Variants in CADM1 observed in about 807,000 individuals in gnomAD.
The protein encoded by CADM1 is cell adhesion molecule 1.
In CADM1, 15 loss-of-function variants were observed where a neutral mutation model predicts 53.1. The observed-to-expected ratio is 0.28, with a 90% CI of 0.19 to 0.44. The LOEUF (loss-of-function observed/expected upper bound fraction) is 0.44. CADM1 is among the 20% of genes least tolerant of loss of function. The pLI is 1.00. For missense variants in CADM1, 434 were observed against 611.3 expected (o/e 0.71, Z 3.06); for synonymous variants, 281 against 243.0 (o/e 1.16, Z -1.45).
chr11:115,189,668 GCTGT>G (rs901457188), intron 10 of CADM1, among the ~76,000 whole-genome samples: 35 of 152,168 alleles, frequency 2.3e-4, no homozygotes, highest in African/African-American at 4.1e-4. Context: ...CTCTTGATTG[GCTGT>G]CTATCTTTCT....
intron 1 of CADM1, among the ~76,000 whole-genome samples, chr11:115,392,507 T>C (rs1166193302): frequency 6.6e-6 from 1 of 152,164 alleles, no homozygotes; most frequent in South Asian, 2.1e-4. Context: ...ACATTAAACA[T>C]TGATTCAGAA....
At chr11:115,420,243 A>C (rs1356783945) in intron 1 of CADM1, among the ~76,000 whole-genome samples, 1 of 152,194 alleles carries the variant, frequency 6.6e-6, no homozygotes, top group Non-Finnish European at 1.5e-5. Flanking sequence ...ACGTGTCCAC[A>C]CAGGAGATCA....
chr11:115,487,419 T>A (rs1460086203), intron 1 of CADM1, among the ~76,000 whole-genome samples: 1 of 152,132 alleles, frequency 6.6e-6, no homozygotes, highest in Non-Finnish European at 1.5e-5. Flanking sequence ...TGACCTCATT[T>A]AAAAAAATCC....
At chr11:115,299,173 T>C (rs1485240163) in intron 1 of CADM1, among the ~76,000 whole-genome samples, 1 of 152,202 alleles carries the variant, frequency 6.6e-6, no homozygotes, top group African/African-American at 2.4e-5. Flanking sequence ...TTCACTGCTA[T>C]TGCAGTGCTA....
intron 1 of CADM1, among the ~76,000 whole-genome samples, chr11:115,308,141 CTG>C (rs199736406): frequency 0.11 from 14,957 of 133,038 alleles, 861 homozygotes; most frequent in Middle Eastern, 0.15. Flanking sequence ...AACTCTCTCT[CTG>C]TGTGTGTGTG....
intron 1 of CADM1, among the ~76,000 whole-genome samples, chr11:115,414,388 A>G (rs1947538173): frequency 1.3e-5 from 2 of 152,058 alleles, no homozygotes; most frequent in Admixed American, 1.3e-4. Context: ...ATTAATCCCC[A>G]CCCAAATTAA....
intron 1 of CADM1, among the ~76,000 whole-genome samples, chr11:115,475,229 A>T (rs1949104951): frequency 6.6e-6 from 1 of 152,040 alleles, no homozygotes; most frequent in African/African-American, 2.4e-5. Context: ...TTGTTATACT[A>T]TATTTTTTAT....
In CADM1 at chr11:115,174,173, T is replaced by C. The variant is rs915776803; in HGVS notation, c.*2301A>G. 1.0e-6 allele frequency: 1 copy of C among 985,266 alleles called. No individual in the cohort carries two copies. Among genetic ancestry groups the C allele is most frequent in the Admixed American group, 6.2e-5 (1 of 16,260 alleles). The allele number at this position is 985,266 out of a possible 1,614,324, so 61.0% of individuals were successfully genotyped here. ...CATGTCAACATTGTAAGCCATAAAG[T>C]TACATCAGGAACACTGCACTACTGT... is the stretch of plus-strand genomic sequence containing the variant. On this transcript the variant is annotated 3_prime_UTR_variant, in exon 12 of 12. Transcript: ENST00000331581.
intron 1 of CADM1, among the ~76,000 whole-genome samples, chr11:115,498,930 G>A (rs145637514): frequency 2.6e-5 from 4 of 152,250 alleles, no homozygotes; most frequent in East Asian, 1.9e-4. Context: ...GGGATAGAGC[G>A]ACCAGGGGTG....
intron 1 of CADM1, chr11:115,339,972 A>G (rs903457055): frequency 6.6e-6 from 1 of 152,134 alleles, no homozygotes; most frequent in African/African-American, 2.4e-5. Context: ...TGTTTCCAAT[A>G]AGATCACTAA....
chr11:115,198,151 C>T (rs979462346), intron 9 of CADM1, among the ~76,000 whole-genome samples: 5 of 152,172 alleles, frequency 3.3e-5, no homozygotes, highest in Non-Finnish European at 5.9e-5. Flanking sequence ...GGACTCTGTG[C>T]CACTGAAACT....
At chr11:115,350,923 G>GTT in intron 1 of CADM1, among the ~76,000 whole-genome samples, 2 of 113,428 alleles carry the variant, frequency 1.8e-5, no homozygotes, top group South Asian at 5.6e-4. Flanking sequence ...TTTACGAGAA[G>GTT]TTAAAAAAAA....
At chr11:115,395,725 T>G (rs1946978372) in intron 1 of CADM1, among the ~76,000 whole-genome samples, 1 of 152,128 alleles carries the variant, frequency 6.6e-6, no homozygotes, top group African/African-American at 2.4e-5. Context: ...ATATTAAAAC[T>G]CTCTATTAAG....
At chr11:115,211,334 A>C (rs1411012350) in intron 7 of CADM1, among the ~76,000 whole-genome samples, 1 of 151,996 alleles carries the variant, frequency 6.6e-6, no homozygotes, top group Non-Finnish European at 1.5e-5. Context: ...TACACAACTA[A>C]ACTATATCCA....
Position 115,204,068 on chromosome 11 carries a change from T to C in CADM1, c.1078+5506A>G, listed in dbSNP as rs901178532. On this transcript the variant is annotated intron_variant, in intron 8 of 11. Transcript: ENST00000331581. The stretch of plus-strand genomic sequence containing the variant: ...AATGCTGAATGAAAAATAATCTTAA[T>C]GAAGTAGATGTCAACTCTAGAGAAA... Among the ~76,000 whole-genome samples the C allele has an allele frequency of 3.3e-5, 5 of 152,192 alleles. No individual in the cohort carries two copies. The East Asian group carries it at 7.7e-4, about 23-fold the overall frequency.
At chr11:115,303,936 T>C (rs1227029998) in intron 1 of CADM1, among the ~76,000 whole-genome samples, 1 of 152,064 alleles carries the variant, frequency 6.6e-6, no homozygotes, top group African/African-American at 2.4e-5. Flanking sequence ...CTAGGCCTTC[T>C]TTTTGGCATG....
intron 1 of CADM1, among the ~76,000 whole-genome samples, chr11:115,383,927 T>G (rs1340853986): frequency 6.6e-6 from 1 of 151,850 alleles, no homozygotes; most frequent in Non-Finnish European, 1.5e-5. Flanking sequence ...GCTCAGTAGA[T>G]CCTAAGGTTT....
intron 1 of CADM1, among the ~76,000 whole-genome samples, chr11:115,446,316 G>A (rs1395611143): frequency 6.6e-6 from 1 of 152,102 alleles, no homozygotes; most frequent in African/African-American, 2.4e-5. Flanking sequence ...ACTAAGTTCT[G>A]AGGTGCTAAG....
intron 1 of CADM1, among the ~76,000 whole-genome samples, chr11:115,482,643 A>T (rs370758059): frequency 1.3e-5 from 2 of 152,142 alleles, no homozygotes; most frequent in East Asian, 3.9e-4. Flanking sequence ...CTCTTATAAG[A>T]TGGTTAATTC....
Sources: allele counts gnomAD v4.1 joint callset (sites outside exome capture counted in the v4.1 genomes callset), GRCh38; gene constraint gnomAD v4.1.1; transcripts MANE v1.5; gene names NCBI Gene and HGNC (gene_info 2026-07-23, HGNC 2026-07-21).